Variants in CAMK1D observed in about 807,000 individuals in gnomAD.
CAMK1D encodes the protein calcium/calmodulin dependent protein kinase ID, also known as calcium/calmodulin-dependent protein kinase type 1D.
In CAMK1D, 9 loss-of-function variants were observed where a neutral mutation model predicts 47.7. The observed-to-expected ratio is 0.19, with a 90% CI of 0.11 to 0.33. The LOEUF (loss-of-function observed/expected upper bound fraction) is 0.33. Ranked by LOEUF, CAMK1D falls within the 10% of genes least tolerant of loss-of-function variation. CAMK1D has a pLI of 1.00. For missense variants in CAMK1D, 291 were observed against 488.7 expected, an observed-to-expected ratio of 0.60 and a Z score of 3.81; for synonymous variants, 184 against 184.9, an observed-to-expected ratio of 0.99 and a Z score of 0.04.
intron 2 of CAMK1D, among the ~76,000 whole-genome samples, chr10:12,576,432 A>C (rs953054688): frequency 1.3e-5 from 2 of 152,138 alleles, no homozygotes; most frequent in Non-Finnish European, 1.5e-5. Context: ...AGGATGATTC[A>C]TGTGCATTAC....
At chr10:12,422,036 C>T (rs896167705) in intron 1 of CAMK1D, among the ~76,000 whole-genome samples, 16 of 152,036 alleles carry the variant, frequency 1.1e-4, no homozygotes, top group African/African-American at 1.7e-4. Context: ...CTTGAACTCC[C>T]GATCTCAGGT....
At chr10:12,413,778 G>GA (rs922128291) in intron 1 of CAMK1D, among the ~76,000 whole-genome samples, 14 of 151,116 alleles carry the variant, frequency 9.3e-5, no homozygotes, top group South Asian at 4.2e-4. Flanking sequence ...TTGTTTGTTT[G>GA]AAAAAAAAAG....
At position 12,751,128 on chromosome 10, in the gene CAMK1D, A is replaced by T. The variant is rs75276546; in HGVS notation, c.300-9820A>T. ...TAAGATAAGATAAGATAAGATAAGA[A>T]GGCTTCAGAAGGCTTCTTTCGTGAG... On this transcript the variant is annotated intron_variant, in intron 3 of 10. Transcript: ENST00000619168. Among the ~76,000 whole-genome samples the T allele has an allele frequency of 4.8e-4, 69 of 145,168 alleles. No homozygotes were observed. In the East Asian group the frequency reaches 9.2e-3, roughly 19 times the overall value.
chr10:12,459,565 A>G (rs1833363229), intron 1 of CAMK1D, among the ~76,000 whole-genome samples: 1 of 152,186 alleles, frequency 6.6e-6, no homozygotes, highest in African/African-American at 2.4e-5. Flanking sequence ...ATATGTCTTC[A>G]TGACAGTCAT....
intron 3 of CAMK1D, among the ~76,000 whole-genome samples, chr10:12,758,660 A>G (rs1291751204): frequency 6.6e-6 from 1 of 152,246 alleles, no homozygotes; most frequent in Non-Finnish European, 1.5e-5. Context: ...GAATTCGTCC[A>G]TACCTTATAT....
intron 6 of CAMK1D, among the ~76,000 whole-genome samples, chr10:12,791,613 A>G (rs11257991): frequency 0.17 from 26,143 of 152,138 alleles, 3,470 homozygotes; most frequent in East Asian, 0.49. Flanking sequence ...TACTTAGCAA[A>G]ACATCTTCAA....
chr10:12,506,548 G>T (rs968536397), intron 1 of CAMK1D, among the ~76,000 whole-genome samples: 2 of 151,652 alleles, frequency 1.3e-5, no homozygotes, highest in Non-Finnish European at 2.9e-5. Flanking sequence ...GGGGAGTCTC[G>T]TTCTGTCGCC....
At chr10:12,616,650 TG>T (rs1838831835) in intron 2 of CAMK1D, among the ~76,000 whole-genome samples, 1 of 151,952 alleles carries the variant, frequency 6.6e-6, no homozygotes, top group South Asian at 2.1e-4. Context: ...CCCGAGTAGC[TG>T]GGACTACAGG....
chr10:12,538,178 A>G (rs1836041035), intron 1 of CAMK1D, among the ~76,000 whole-genome samples: 1 of 152,186 alleles, frequency 6.6e-6, no homozygotes, highest in Non-Finnish European at 1.5e-5. Context: ...CTTAGTTTAG[A>G]TTATGCTGGA....
intron 2 of CAMK1D, among the ~76,000 whole-genome samples, chr10:12,646,410 C>A (rs547032341): frequency 1.7e-4 from 26 of 152,150 alleles, no homozygotes; most frequent in Admixed American, 5.9e-4. Context: ...GAAAATTACT[C>A]ATCTTAAAGA....
At chr10:12,773,550 A>G (rs1286651052) in intron 5 of CAMK1D, among the ~76,000 whole-genome samples, 2 of 152,160 alleles carry the variant, frequency 1.3e-5, no homozygotes, top group Non-Finnish European at 2.9e-5. Flanking sequence ...GGATCCGCAT[A>G]TTTTGAATCC....
chr10:12,440,705 G>A (rs1172458867), intron 1 of CAMK1D, among the ~76,000 whole-genome samples: 2 of 152,202 alleles, frequency 1.3e-5, no homozygotes, highest in African/African-American at 4.8e-5. Context: ...GAGATACGGT[G>A]TATGCCAGGT....
chr10:12,731,201 G>A (rs550872580), intron 3 of CAMK1D, among the ~76,000 whole-genome samples: 3 of 152,266 alleles, frequency 2.0e-5, no homozygotes, highest in South Asian at 2.1e-4. Flanking sequence ...GCAGTGGAGC[G>A]GGAATGAGAT....
At chr10:12,469,442 G>T (rs1176031732) in intron 1 of CAMK1D, among the ~76,000 whole-genome samples, 4 of 151,814 alleles carry the variant, frequency 2.6e-5, no homozygotes, top group Non-Finnish European at 5.9e-5. Context: ...ATATATTTAC[G>T]GCTTCCACTG....
At chr10:12,727,733 T>C (rs896195171) in intron 3 of CAMK1D, among the ~76,000 whole-genome samples, 30 of 151,838 alleles carry the variant, frequency 2.0e-4, no homozygotes, top group African/African-American at 6.3e-4. Flanking sequence ...CAGGAAATGT[T>C]TCACATGTGT....
intron 3 of CAMK1D, among the ~76,000 whole-genome samples, chr10:12,723,024 C>T (rs546558867): frequency 2.0e-5 from 3 of 151,842 alleles, no homozygotes; most frequent in East Asian, 1.9e-4. Context: ...GAAGGTGTTC[C>T]GGAGTCCACA....
intron 2 of CAMK1D, among the ~76,000 whole-genome samples, chr10:12,610,864 A>G (rs1838597574): frequency 6.6e-6 from 1 of 152,202 alleles, no homozygotes; most frequent in Non-Finnish European, 1.5e-5. Flanking sequence ...TTATGTATGC[A>G]TTGACTTCCT....
intron 2 of CAMK1D, among the ~76,000 whole-genome samples, chr10:12,588,482 G>A (rs1200635837): frequency 6.6e-6 from 1 of 152,136 alleles, no homozygotes; most frequent in Non-Finnish European, 1.5e-5. Context: ...GTGACAAATA[G>A]GGAGCAAATA....
intron 2 of CAMK1D, among the ~76,000 whole-genome samples, chr10:12,611,009 T>C (rs904947825): frequency 2.0e-5 from 3 of 152,208 alleles, no homozygotes; most frequent in Non-Finnish European, 2.9e-5. Context: ...GTACTTTATG[T>C]ATTCAACCAA....
Sources: allele counts gnomAD v4.1 joint callset (sites outside exome capture counted in the v4.1 genomes callset), GRCh38; gene constraint gnomAD v4.1.1; transcripts MANE v1.5; gene names NCBI Gene and HGNC (gene_info 2026-07-23, HGNC 2026-07-21).